The following GRM1 variants were observed in gnomAD, a reference collection of about 807,000 sequenced individuals.
GRM1 encodes metabotropic glutamate receptor 1.
In GRM1, 33 loss-of-function variants were observed where a neutral mutation model predicts 90.9. The observed-to-expected ratio is 0.36, with a 90% confidence interval of 0.28 to 0.49. The LOEUF is 0.49. Among genes scored for constraint, GRM1 ranks in the 20% least tolerant of loss-of-function variants. The pLI, the probability that GRM1 is intolerant of heterozygous loss-of-function variation, is 0.99. For synonymous variants in GRM1, 700 were observed against 613.2 expected (o/e 1.14, Z -2.09); for missense variants, 1,190 against 1,534.3 (o/e 0.78, Z 3.75).
intron 5 of GRM1, among the ~76,000 whole-genome samples, chr6:146,358,522 G>A (rs769129908): frequency 6.6e-6 from 1 of 152,172 alleles, no homozygotes; most frequent in South Asian, 2.1e-4. Context: ...AGGCTGTCAC[G>A]TAAATGTCTC....
intron 5 of GRM1, among the ~76,000 whole-genome samples, chr6:146,368,387 G>A (rs1403576623): frequency 6.6e-6 from 1 of 151,580 alleles, no homozygotes; most frequent in Non-Finnish European, 1.5e-5. Flanking sequence ...TAATTTCTCT[G>A]GCTAGAACTT....
At chr6:146,407,625 G>A (rs528229718) in intron 7 of GRM1, among the ~76,000 whole-genome samples, 1 of 152,154 alleles carries the variant, frequency 6.6e-6, no homozygotes, top group African/African-American at 2.4e-5. Flanking sequence ...ATGTGTAATG[G>A]CCCAAGGTGG....
intron 2 of GRM1, among the ~76,000 whole-genome samples, chr6:146,221,971 A>G (rs545188617): frequency 1.3e-5 from 2 of 152,224 alleles, no homozygotes; most frequent in African/African-American, 4.8e-5. Flanking sequence ...GTCACAGACC[A>G]CACAAAAGTA....
intron 5 of GRM1, among the ~76,000 whole-genome samples, chr6:146,382,632 G>A (rs1257894779): frequency 2.6e-5 from 4 of 152,074 alleles, no homozygotes; most frequent in African/African-American, 9.7e-5. Flanking sequence ...ACATATGTAA[G>A]AAATTAATAA....
chr6:146,220,404 A>AT (rs546270209), intron 2 of GRM1, among the ~76,000 whole-genome samples: 37 of 152,154 alleles, frequency 2.4e-4, no homozygotes, highest in African/African-American at 5.8e-4. Flanking sequence ...CTATTTTAAT[A>AT]TTTTTTCACA....
chr6:146,086,856 C>G (rs1372076029), intron 1 of GRM1, among the ~76,000 whole-genome samples: 1 of 151,904 alleles, frequency 6.6e-6, no homozygotes, highest in Non-Finnish European at 1.5e-5. Flanking sequence ...TATGTCTAGC[C>G]TCGTGATCAA....
chr6:146,400,159 G>T (rs542876536), intron 7 of GRM1, among the ~76,000 whole-genome samples: 1 of 152,086 alleles, frequency 6.6e-6, no homozygotes, highest in Non-Finnish European at 1.5e-5. Flanking sequence ...CTTCTAAACC[G>T]GGGTGAAAGG....
intron 5 of GRM1, among the ~76,000 whole-genome samples, chr6:146,367,204 A>T (rs1775724072): frequency 6.6e-6 from 1 of 152,022 alleles, no homozygotes; most frequent in Non-Finnish European, 1.5e-5. Context: ...AGAAAATAAG[A>T]TGGTTGTAAA....
intron 2 of GRM1, among the ~76,000 whole-genome samples, chr6:146,262,668 T>C: frequency 6.6e-6 from 1 of 151,924 alleles, no homozygotes; most frequent in East Asian, 1.9e-4. Context: ...TATACACATA[T>C]ATAAACACAA....
intron 1 of GRM1, among the ~76,000 whole-genome samples, chr6:146,056,004 T>G (rs1775467894): frequency 6.6e-6 from 1 of 152,126 alleles, no homozygotes; most frequent in South Asian, 2.1e-4. Flanking sequence ...CATTGGTTAG[T>G]TAACATATTT....
intron 2 of GRM1, among the ~76,000 whole-genome samples, chr6:146,294,711 T>C (rs1457842156): frequency 6.6e-6 from 1 of 152,174 alleles, no homozygotes. Context: ...TTTTTATCAA[T>C]TTACTTTCTA....
At chr6:146,429,795 A>G (rs1278105998) in intron 7 of GRM1, among the ~76,000 whole-genome samples, 2 of 152,080 alleles carry the variant, frequency 1.3e-5, no homozygotes, top group Non-Finnish European at 2.9e-5. Flanking sequence ...TTTCACTTTC[A>G]GAGAAAACAA....
At chr6:146,163,048 C>G (rs1332356538) in intron 2 of GRM1, among the ~76,000 whole-genome samples, 1 of 152,048 alleles carries the variant, frequency 6.6e-6, no homozygotes, top group Non-Finnish European at 1.5e-5. Flanking sequence ...ATAGACTTAT[C>G]TAATATTATT....
In GRM1 at chr6:146,029,206, T is replaced by G; in HGVS notation, c.-312T>G. 2.2e-6 allele frequency: 1 copy of G among 444,530 alleles called. No individual in the cohort carries two copies. The highest frequency in any genetic ancestry group is 6.6e-4 in the Middle Eastern group (1 of 1,510). The allele number at this position is 444,530 out of a possible 1,614,324, so 27.5% of individuals were successfully genotyped here. A position where few individuals can be genotyped will look rare whatever the true frequency, so the allele number is the denominator to read the frequency against. ...CTGTCTTTTGTCAGCAGCATCTAGC[T>G]CACCGCTGCCAACACGACTTCCACT... On this transcript the variant is annotated 5_prime_UTR_variant, in exon 1 of 8. Coordinates refer to ENST00000282753, the MANE Select transcript of GRM1 (RefSeq NM_001278064.2).
chr6:146,180,131 C>T (rs1364126107), intron 2 of GRM1, among the ~76,000 whole-genome samples: 2 of 151,412 alleles, frequency 1.3e-5, no homozygotes, highest in African/African-American at 2.4e-5. Flanking sequence ...CCCAACTCAC[C>T]AAAAAACAAA....
chr6:146,102,300 T>C lies in GRM1; in HGVS notation c.701-57048T>C, dbSNP rs1777078599. On this transcript the variant is annotated intron_variant, in intron 1 of 7. Coordinates refer to ENST00000282753, the MANE Select transcript of GRM1 (RefSeq NM_001278064.2). ...CACTTAACATACCAACTTCATTATATCTAAGACCTAGCATGGTGCCTGTCT... is the reference window on the plus strand; with the variant it reads ...CACTTAACATACCAACTTCATTATACCTAAGACCTAGCATGGTGCCTGTCT... Among the ~76,000 whole-genome samples, 4 of 152,306 alleles carry C rather than the reference T, an allele frequency of 2.6e-5. No homozygotes were observed. In the South Asian group the frequency reaches 8.3e-4, roughly 32 times the overall value.
At chr6:146,233,471 T>C (rs1274390478) in intron 2 of GRM1, among the ~76,000 whole-genome samples, 1 of 152,170 alleles carries the variant, frequency 6.6e-6, no homozygotes, top group African/African-American at 2.4e-5. Flanking sequence ...TGTTCTCATA[T>C]GTCCTATTAA....
At chr6:146,292,214 G>A (rs1783012250) in intron 2 of GRM1, among the ~76,000 whole-genome samples, 1 of 151,892 alleles carries the variant, frequency 6.6e-6, no homozygotes, top group African/African-American at 2.4e-5. Flanking sequence ...AACCATAGGA[G>A]TAAATCTTTA....
chr6:146,029,530 C>G lies in GRM1; in HGVS notation c.13C>G (p.Leu5Val), dbSNP rs776485013. The G allele has an allele frequency of 8.1e-6, 13 of 1,613,856 alleles. No homozygotes were observed. Among genetic ancestry groups the G allele is most frequent in the Non-Finnish European group, 7.6e-6 (9 of 1,179,878 alleles). Residue 5 changes from leucine to valine, a missense_variant, in exon 1 of 8, where the codon CTT becomes GTT. Leu to Val is a conservative substitution (Grantham distance 32). Coordinates refer to ENST00000282753, the MANE Select transcript of GRM1 (RefSeq NM_001278064.2). ...CGTCCTCACCACCATGGTCGGGCTC[C>G]TTTTGTTTTTTTTCCCAGCGATCTT... Reference protein sequence around the residue: MVGLLLFFFPAIFLE... With the variant: MVGLVLFFFPAIFLE...
Sources: allele counts gnomAD v4.1 joint callset (sites outside exome capture counted in the v4.1 genomes callset), GRCh38; gene constraint gnomAD v4.1.1; transcripts MANE v1.5; gene names NCBI Gene and HGNC (gene_info 2026-07-23, HGNC 2026-07-21).